AHCY: variants seen among roughly 807,000 people sequenced by gnomAD.
AHCY encodes adenosylhomocysteinase, also known as S-adenosyl-L-homocysteine hydrolase.
AHCY carries 24 observed loss-of-function variants against 45.4 expected under a neutral mutation model. The observed-to-expected ratio is 0.53, with a 90% CI of 0.38 to 0.74. The LOEUF (loss-of-function observed/expected upper bound fraction) is 0.74, where lower values mean the gene tolerates loss of function less well. Among genes scored for constraint, AHCY ranks in the 30% least tolerant of loss-of-function variants. The pLI, the probability that AHCY is intolerant of heterozygous loss-of-function variation, is 0.00. For synonymous variants in AHCY, 245 were observed against 235.1 expected, an observed-to-expected ratio of 1.04 and a Z score of -0.39; for missense variants, 449 against 594.1, an observed-to-expected ratio of 0.76 and a Z score of 2.54.
downstream of AHCY, among the ~76,000 whole-genome samples, chr20:34,278,596 G>A (rs2035931835): frequency 6.6e-6 from 1 of 152,136 alleles, no homozygotes; most frequent in Admixed American, 6.5e-5. Context: ...TGGGAAATCT[G>A]AATCCAGGCT....
At chr20:34,284,822 C>CA (rs2036118558) in intron 9 of AHCY, among the ~76,000 whole-genome samples, 2 of 152,026 alleles carry the variant, frequency 1.3e-5, no homozygotes, top group South Asian at 4.2e-4. Flanking sequence ...GACTCTATCT[C>CA]AAAAAAATCA....
In AHCY at chr20:34,290,552, G is replaced by A. The variant is rs116846245; in HGVS notation, c.853C>T (p.Arg285Trp). The change falls in exon 7 of 10, where the codon CGG (arginine) becomes TGG (tryptophan). Residue 285 changes from arginine to tryptophan, a missense_variant and splice_region_variant. Physicochemically the swap from Arg to Trp is moderately radical, Grantham distance 101 (BLOSUM62 -3). Coordinates refer to ENST00000217426, the MANE Select transcript of AHCY (RefSeq NM_000687.4). The surrounding 1 kb of genome is among the most constrained non-coding windows in gnomAD (Gnocchi z 4.5). Reference sequence around the variant, plus strand: ...CGGGACCCCCCATCTGGCACCTACCGGCCAAGGATGATGTCAATACAGCCT... The same window carrying A: ...CGGGACCCCCCATCTGGCACCTACCAGCCAAGGATGATGTCAATACAGCCT... ...TTGCIDIILG[R>W]HFEQMKDDAI... The A allele has an allele frequency of 5.2e-4, 839 of 1,614,142 alleles. 2 individuals carry two copies. Among genetic ancestry groups the A allele is most frequent in the African/African-American group, 3.8e-3 (282 of 75,024 alleles).
chr20:34,301,475 G>A (rs2036769903), intron 1 of AHCY, among the ~76,000 whole-genome samples: 1 of 152,198 alleles, frequency 6.6e-6, no homozygotes, highest in South Asian at 2.1e-4. Context: ...CAAGCCAAGA[G>A]GAACAGCAAG....
chr20:34,292,520 T>C lies in AHCY; in HGVS notation c.296-13A>G, dbSNP rs1364418166. 6 of 1,613,622 alleles carry C rather than the reference T, an allele frequency of 3.7e-6. No homozygotes were observed. Among genetic ancestry groups the C allele is most frequent in the Non-Finnish European group, 1.7e-6 (2 of 1,179,944 alleles). ...TTCCAGGCATACACTGGAGGGTGAGTGGCACATCAGGGCCTGGACTTCCCA... is the reference window on the plus strand; with the variant it reads ...TTCCAGGCATACACTGGAGGGTGAGCGGCACATCAGGGCCTGGACTTCCCA... On this transcript the variant is annotated splice_polypyrimidine_tract_variant and intron_variant, in intron 3 of 9. Transcript: ENST00000217426.
the AHCY span, among the ~76,000 whole-genome samples, chr20:34,247,504 T>C: frequency 6.6e-6 from 1 of 151,898 alleles, no homozygotes; most frequent in African/African-American, 2.4e-5. Flanking sequence ...TTCATCATGT[T>C]AGTCAGGCTG....
chr20:34,270,663 T>C, the AHCY span, among the ~76,000 whole-genome samples: 1 of 152,184 alleles, frequency 6.6e-6, no homozygotes, highest in Admixed American at 6.5e-5. Flanking sequence ...CAAATGTGTA[T>C]TGAGCACCTA....
chr20:34,285,825 G>T (rs61123355), intron 8 of AHCY, among the ~76,000 whole-genome samples, 191 bp from the exon 9 acceptor site: 57 of 152,328 alleles, frequency 3.7e-4, no homozygotes, highest in African/African-American at 1.3e-3. Flanking sequence ...GCTGGCCGGG[G>T]CACGGTGGCT....
the AHCY span, among the ~76,000 whole-genome samples, chr20:34,262,134 G>GAAGA: frequency 1.3e-5 from 2 of 151,944 alleles, no homozygotes; most frequent in Non-Finnish European, 2.9e-5. Context: ...AAAAGAAGAA[G>GAAGA]AAGAAAGAAA....
the AHCY span, among the ~76,000 whole-genome samples, chr20:34,259,211 A>G: frequency 6.6e-6 from 1 of 151,498 alleles, no homozygotes; most frequent in African/African-American, 2.4e-5. Flanking sequence ...CTGTCTCAAA[A>G]CAAACAATGA....
chr20:34,299,015 T>G (rs2036680483), intron 1 of AHCY, among the ~76,000 whole-genome samples: 1 of 152,162 alleles, frequency 6.6e-6, no homozygotes, highest in Non-Finnish European at 1.5e-5. Context: ...CTGCCTTATA[T>G]GCAATAAATA....
rs761596489 is a variant in AHCY at position 34,303,327 on chromosome 20, A to C, written c.-57T>G. On this transcript the variant is annotated 5_prime_UTR_variant, in exon 1 of 10. Coordinates refer to ENST00000217426, the MANE Select transcript of AHCY (RefSeq NM_000687.4). ...GGGGGCTGGGCCTCAGTCTGGGAAC[A>C]GGAACTGGGCGGGCAGCGCCGAGCA... 314 of 1,550,912 alleles carry C rather than the reference A, an allele frequency of 2.0e-4. No individual in the cohort carries two copies. Among genetic ancestry groups the C allele is most frequent in the Admixed American group, 5.7e-4 (29 of 50,994 alleles).
chr20:34,257,586 T>C, the AHCY span, among the ~76,000 whole-genome samples: 3 of 152,188 alleles, frequency 2.0e-5, no homozygotes, highest in Non-Finnish European at 2.9e-5. Flanking sequence ...AGTTTACAAA[T>C]ATTTCATATT....
At chr20:34,257,060 C>CTCTTTTTTTTTTTTT in the AHCY span, among the ~76,000 whole-genome samples, 1 of 122,368 alleles carries the variant, frequency 8.2e-6, no homozygotes. Context: ...TTCTCTCTCT[C>CTCTTTTTTTTTTTTT]TTTCTTTCTC....
Position 34,292,450 on chromosome 20 carries a change from A to C in AHCY, c.353T>G (p.Leu118Arg). ...EEYLWCIEQT[L>R]YFKDGPLNMI... ...GTTGAGGGGCCCGTCCTTGAAGTAC[A>C]GGGTCTGCTCAATGCACCACAGGTA... The change falls in exon 4 of 10, where the codon CTG becomes CGG. Residue 118 changes from leucine to arginine, a missense_variant. Coordinates refer to ENST00000217426, the MANE Select transcript of AHCY (RefSeq NM_000687.4). 1 of 1,614,112 alleles carries C rather than the reference A, an allele frequency of 6.2e-7. No homozygotes were observed. Among genetic ancestry groups the C allele is most frequent in the Non-Finnish European group, 8.5e-7 (1 of 1,180,032 alleles).
At chr20:34,267,076 T>C in the AHCY span, among the ~76,000 whole-genome samples, 2 of 152,284 alleles carry the variant, frequency 1.3e-5, no homozygotes, top group Non-Finnish European at 2.9e-5. Context: ...GATGAGATTA[T>C]TGACAGATAA....
the AHCY span, chr20:34,268,921 T>C: frequency 6.5e-7 from 1 of 1,532,224 alleles, no homozygotes; most frequent in Non-Finnish European, 8.8e-7. Flanking sequence ...CCCGAGGAGC[T>C]CCCAGGCAGA....
At chr20:34,255,054 T>A in the AHCY span, among the ~76,000 whole-genome samples, 2 of 152,182 alleles carry the variant, frequency 1.3e-5, no homozygotes. Flanking sequence ...GCCTACCCAT[T>A]GTGCAGTGAA....
chr20:34,279,274 T>A (rs1294352093), downstream of AHCY, among the ~76,000 whole-genome samples: 4 of 148,544 alleles, frequency 2.7e-5, no homozygotes, highest in South Asian at 2.1e-4. Context: ...AAAAAAAATT[T>A]GCCGGGCGTG....
chr20:34,262,572 C>G, the AHCY span, among the ~76,000 whole-genome samples: 7 of 152,192 alleles, frequency 4.6e-5, no homozygotes, highest in Admixed American at 4.6e-4. Context: ...ACAAGAGTGT[C>G]ACAGGCAGAT....
Sources: allele counts gnomAD v4.1 joint callset (sites outside exome capture counted in the v4.1 genomes callset), GRCh38; gene constraint gnomAD v4.1.1; non-coding constraint Gnocchi (gnomAD v3.1); transcripts MANE v1.5; gene names NCBI Gene and HGNC (gene_info 2026-07-23, HGNC 2026-07-21).